Variants in ELAVL1 observed in about 807,000 individuals in gnomAD.
ELAVL1 encodes ELAV-like protein 1.
Under a neutral mutation model 28.4 loss-of-function variants are expected in ELAVL1, and 1 was observed. The ratio of observed to expected loss-of-function variants is 0.04; its 90% CI spans 0.01 to 0.17. The LOEUF (loss-of-function observed/expected upper bound fraction) is 0.17. Among genes scored for constraint, ELAVL1 ranks in the 10% least tolerant of loss-of-function variants. The pLI is 1.00. For missense variants in ELAVL1, 157 were observed against 447.2 expected (o/e 0.35, Z 5.85); for synonymous variants, 174 against 183.5 (o/e 0.95, Z 0.42).
In ELAVL1 at chr19:7,981,502, C is replaced by A. The variant is rs180686859; in HGVS notation, c.173-316G>T. Among the ~76,000 whole-genome samples the A allele has an allele frequency of 1.3e-5, 2 of 152,030 alleles. No individual in the cohort carries two copies. Among genetic ancestry groups the A allele is most frequent in the East Asian group, 1.9e-4 (1 of 5,158 alleles). ...CCTCCAGAGTATCTGGGACTACAGG[C>A]CCGCTCCAGCAGGCCCAAGCTAATT... On this transcript the variant is annotated intron_variant, in intron 2 of 5. Coordinates refer to ENST00000407627, the MANE Select transcript of ELAVL1 (RefSeq NM_001419.3). This position sits in a 1 kb window ranked among gnomAD's most constrained non-coding sequence, Gnocchi z 4.2.
chr19:7,989,394 C>T (rs544919019), intron 2 of ELAVL1, among the ~76,000 whole-genome samples: 27 of 152,318 alleles, frequency 1.8e-4, no homozygotes, highest in African/African-American at 5.3e-4. Flanking sequence ...GGCTCACCTC[C>T]GAACTGAAAT....
At chr19:7,971,044 C>T (rs1294323591) in intron 4 of ELAVL1, among the ~76,000 whole-genome samples, 1 of 152,230 alleles carries the variant, frequency 6.6e-6, no homozygotes, top group Non-Finnish European at 1.5e-5. Flanking sequence ...TGGCTCCCTT[C>T]TCTCTGCCTC....
At chr19:7,985,773 G>A (rs563924360) in intron 2 of ELAVL1, among the ~76,000 whole-genome samples, 9 of 152,346 alleles carry the variant, frequency 5.9e-5, no homozygotes, top group Admixed American at 1.3e-4. Context: ...TGCAGAACCC[G>A]GGAGTGAAAT....
intron 1 of ELAVL1, among the ~76,000 whole-genome samples, chr19:8,003,303 G>C (rs1243700440): frequency 7.3e-6 from 1 of 137,676 alleles, no homozygotes; most frequent in African/African-American, 2.8e-5. Context: ...GTTGCAGTGA[G>C]CTGAGATGGC....
chr19:7,959,046 T>C lies in ELAVL1; in HGVS notation c.*4437A>G, dbSNP rs1470959105. On this transcript the variant is annotated 3_prime_UTR_variant, in exon 6 of 6. Coordinates refer to ENST00000407627, the MANE Select transcript of ELAVL1 (RefSeq NM_001419.3). The stretch of plus-strand genomic sequence containing the variant: ...CTCCTAAAACACTAAAGAACATTTA[T>C]TCACAAGGATTAAAAAAAAAAAATA... The C allele has an allele frequency of 6.7e-6, 1 of 148,446 alleles. No homozygotes were observed. Among genetic ancestry groups the C allele is most frequent in the Non-Finnish European group, 1.5e-5 (1 of 66,344 alleles). The allele number at this position is 148,446 out of a possible 1,614,324, so 9.2% of individuals were successfully genotyped here.
chr19:7,977,902 C>T (rs1051837609), intron 3 of ELAVL1, among the ~76,000 whole-genome samples: 7 of 152,254 alleles, frequency 4.6e-5, no homozygotes, highest in African/African-American at 1.2e-4. Flanking sequence ...CTCTAGGATG[C>T]GGCCCTTGCC....
At position 7,973,759 on chromosome 19, in the gene ELAVL1, G is replaced by A. The variant is rs766749858; in HGVS notation, c.396C>T (p.Ile132=). 1 of 1,614,136 alleles carries A rather than the reference G, an allele frequency of 6.2e-7. No individual in the cohort carries two copies. Among genetic ancestry groups the A allele is most frequent in the Admixed American group, 1.7e-5 (1 of 60,028 alleles). The change falls in exon 4 of 6, where the codon ATC becomes ATT. Residue 132 remains isoleucine, a synonymous_variant. Coordinates refer to ENST00000407627, the MANE Select transcript of ELAVL1 (RefSeq NM_001419.3). ...VEDMFSRFGR[I]INSRVLVDQT... is the part of the protein sequence containing the mutation. ...GATCCACGAGGACCCGCGAGTTGAT[G>A]ATCCGCCCAAACCGAGAGAACATGT...
intron 1 of ELAVL1, among the ~76,000 whole-genome samples, chr19:8,002,800 G>A (rs2081072682): frequency 6.6e-6 from 1 of 152,180 alleles, no homozygotes; most frequent in South Asian, 2.1e-4. Context: ...AACAGGCAGG[G>A]AGGGTTAGAG....
intron 2 of ELAVL1, among the ~76,000 whole-genome samples, chr19:7,989,346 G>A (rs1444395665): frequency 2.0e-5 from 3 of 152,188 alleles, no homozygotes; most frequent in Middle Eastern, 3.2e-3. Context: ...ACAACTCCTG[G>A]TGCGCCAGTT....
At chr19:7,990,486 GCC>G (rs1985722213) in intron 2 of ELAVL1, among the ~76,000 whole-genome samples, 1 of 149,186 alleles carries the variant, frequency 6.7e-6, no homozygotes, top group African/African-American at 2.5e-5. Context: ...CTGCCTCAGC[GCC>G]CCCAAATAGC....
chr19:7,980,185 G>GT (rs1163661360), intron 3 of ELAVL1, among the ~76,000 whole-genome samples: 2 of 152,148 alleles, frequency 1.3e-5, no homozygotes, highest in Non-Finnish European at 2.9e-5. Flanking sequence ...ACGTCTGTGG[G>GT]TATCTTGTGA....
chr19:7,988,963 C>T (rs1009017087), intron 2 of ELAVL1, among the ~76,000 whole-genome samples: 64 of 152,216 alleles, frequency 4.2e-4, no homozygotes, highest in African/African-American at 1.4e-3. Flanking sequence ...CACTGCGAAG[C>T]GGGAGGTGGT....
chr19:7,967,799 CAA>C lies in ELAVL1; in HGVS notation c.431-11_431-10del, dbSNP rs764868992. 1 of 1,604,516 alleles carries C rather than the reference CAA, an allele frequency of 6.2e-7. No individual in the cohort carries two copies. The highest frequency in any genetic ancestry group is 1.7e-5 in the Admixed American group (1 of 58,646). ...AACCCCTCTGGACAAACCTTTTCAA[CAA>C]ATCAACAAAAACGGAGTTAGGGGGA... On this transcript the variant is annotated splice_polypyrimidine_tract_variant and intron_variant, in intron 4 of 5. Transcript: ENST00000407627.
rs1410046413 is a variant in ELAVL1 at position 8,005,610 on chromosome 19, G to T, written c.-132C>A. 2.0e-5 allele frequency: 3 copies of T among 149,390 alleles called. No homozygotes were observed. Among genetic ancestry groups the T allele is most frequent in the African/African-American group, 4.9e-5 (2 of 40,906 alleles). 9.3% of individuals were successfully genotyped at this position (149,390 alleles called of 1,614,324 possible). On this transcript the variant is annotated 5_prime_UTR_variant, in exon 1 of 6. Coordinates refer to ENST00000407627, the MANE Select transcript of ELAVL1 (RefSeq NM_001419.3). ...CGGTGGCGGCGGTGGCGGCGACGGC[G>T]ACGGCGGCAGCGGCTCCTCCTCAGC...
chr19:7,979,840 C>G lies in ELAVL1; in HGVS notation c.276+1243G>C, dbSNP rs940594011. Among the ~76,000 whole-genome samples the G allele has an allele frequency of 2.0e-5, 3 of 152,294 alleles. No homozygotes were observed. Among genetic ancestry groups the G allele is most frequent in the Non-Finnish European group, 4.4e-5 (3 of 68,014 alleles). On this transcript the variant is annotated intron_variant, in intron 3 of 5. Transcript: ENST00000407627. The surrounding 1 kb of genome is among the most constrained non-coding windows in gnomAD (Gnocchi z 5.4). ...TGAGTAACCAAGATCATGGGGCAGT[C>G]TGAAGGCAGGGACAGAGGCCAGCTG...
At position 7,981,144 on chromosome 19, in the gene ELAVL1, T is replaced by C. The variant is rs1194079610; in HGVS notation, c.215A>G (p.Lys72Arg). ...CGTGTTGATCGCTCTCTCTGCATCC[T>C]TCGCGGTCACGTAGTTCACAAAGCC... ...GYGFVNYVTA[K>R]DAERAINTLN... The change falls in exon 3 of 6, where the codon AAG becomes AGG. Residue 72 changes from lysine to arginine, a missense_variant. This residue lies in a region of ELAVL1 where 28 missense variants were observed against 89.7 expected (regional missense o/e 0.31). Coordinates refer to ENST00000407627, the MANE Select transcript of ELAVL1 (RefSeq NM_001419.3). This position sits in a 1 kb window ranked among gnomAD's most constrained non-coding sequence, Gnocchi z 4.2. 6.2e-7 allele frequency: 1 copy of C among 1,614,164 alleles called. No individual in the cohort carries two copies. Among genetic ancestry groups the C allele is most frequent in the Admixed American group, 1.7e-5 (1 of 60,026 alleles).
intron 4 of ELAVL1, among the ~76,000 whole-genome samples, chr19:7,970,833 A>T (rs1171796763): frequency 6.6e-6 from 1 of 152,070 alleles, no homozygotes; most frequent in African/African-American, 2.4e-5. Flanking sequence ...AAGTATTAGG[A>T]TTACAGGCGT....
intron 3 of ELAVL1, among the ~76,000 whole-genome samples, chr19:7,980,572 TTCC>T (rs984629473): frequency 6.6e-6 from 1 of 152,166 alleles, no homozygotes; most frequent in Non-Finnish European, 1.5e-5. Context: ...CACAGTTGGC[TTCC>T]TCAAGTCACC....
At chr19:7,965,115 GGGTCTCACTATGTTGTCC>G (rs1984921876) in intron 5 of ELAVL1, among the ~76,000 whole-genome samples, 1 of 152,220 alleles carries the variant, frequency 6.6e-6, no homozygotes, top group Admixed American at 6.5e-5. Context: ...TTTTGAGAGA[GGGTCTCACTATGTTGTCC>G]AGTATGGTCT....
Sources: gnomAD v4.1 joint callset for allele counts (sites outside exome capture counted in the v4.1 genomes callset) on GRCh38, gnomAD v4.1.1 for gene constraint, gnomAD v4.1.1 regional missense constraint, Gnocchi (gnomAD v3.1) non-coding constraint, MANE v1.5 for transcripts, NCBI Gene and HGNC (gene_info 2026-07-23, HGNC 2026-07-21) for gene names.